The following PRELID2 variants were observed in gnomAD, a reference collection of about 807,000 sequenced individuals.
PRELID2 encodes PRELI domain-containing protein 2.
In PRELID2, 25 loss-of-function variants were observed where a neutral mutation model predicts 28.4. The ratio of observed to expected loss-of-function variants is 0.88; its 90% CI spans 0.64 to 1.23. The LOEUF is 1.23. Ranked by LOEUF, PRELID2 falls within the 50% of genes most tolerant of loss-of-function variation. The pLI is 0.00. For synonymous variants in PRELID2, 76 were observed against 71.6 expected (o/e 1.06, Z -0.31); for missense variants, 201 against 214.4 (o/e 0.94, Z 0.39).
At chr5:145,423,999 G>C in the PRELID2 span, among the ~76,000 whole-genome samples, 1 of 151,714 alleles carries the variant, frequency 6.6e-6, no homozygotes, top group Non-Finnish European at 1.5e-5. Context: ...CCTGCCGTGT[G>C]AGGTGTCAGT....
the PRELID2 span, among the ~76,000 whole-genome samples, chr5:145,301,246 T>C: frequency 2.6e-5 from 4 of 152,170 alleles, no homozygotes; most frequent in Admixed American, 2.6e-4. Flanking sequence ...AACCTAATGA[T>C]GTTGAGCACA....
chr5:145,809,374 C>A (rs578110675), intron 4 of PRELID2, among the ~76,000 whole-genome samples: 1 of 151,872 alleles, frequency 6.6e-6, no homozygotes, highest in African/African-American at 2.4e-5. Flanking sequence ...TGCCATGGCC[C>A]AGCTATGCCC....
intron 1 of PRELID2, among the ~76,000 whole-genome samples, chr5:145,566,115 C>T (rs1012130802): frequency 2.6e-5 from 4 of 152,186 alleles, no homozygotes; most frequent in East Asian, 1.9e-4. Flanking sequence ...TGCTATACCA[C>T]GCAGGTTACT....
intron 1 of PRELID2, among the ~76,000 whole-genome samples, chr5:145,724,648 A>T (rs1205230191): frequency 2.3e-4 from 14 of 60,534 alleles, no homozygotes; most frequent in African/African-American, 5.5e-4. Context: ...TATATATATA[A>T]TGCCTGTAAC....
chr5:145,407,804 G>A, the PRELID2 span, among the ~76,000 whole-genome samples: 1 of 152,114 alleles, frequency 6.6e-6, no homozygotes, highest in Non-Finnish European at 1.5e-5. Flanking sequence ...TCCTGAGTCT[G>A]TCAACATGAC....
intron 1 of PRELID2, among the ~76,000 whole-genome samples, chr5:145,551,350 G>A (rs951463223): frequency 2.0e-5 from 3 of 151,810 alleles, no homozygotes; most frequent in Non-Finnish European, 4.4e-5. Flanking sequence ...GCAGTGAGCC[G>A]AGATTGTGCC....
the PRELID2 span, among the ~76,000 whole-genome samples, chr5:145,397,712 G>A: frequency 1.3e-5 from 2 of 152,134 alleles, no homozygotes; most frequent in East Asian, 1.9e-4. Flanking sequence ...AAAGCCTTTA[G>A]GAAATCATGA....
chr5:145,270,345 A>G, the PRELID2 span, among the ~76,000 whole-genome samples: 15 of 152,156 alleles, frequency 9.9e-5, no homozygotes, highest in Non-Finnish European at 2.1e-4. Flanking sequence ...TCAATGAAAG[A>G]ATGGATATGT....
At chr5:145,501,655 C>T (rs1211202598) in intron 1 of PRELID2, among the ~76,000 whole-genome samples, 4 of 152,132 alleles carry the variant, frequency 2.6e-5, no homozygotes, top group Admixed American at 2.6e-4. Context: ...TCCTCCCCAG[C>T]CATGTGGAAC....
chr5:145,439,712 T>G, the PRELID2 span, among the ~76,000 whole-genome samples: 1 of 152,040 alleles, frequency 6.6e-6, no homozygotes, highest in Non-Finnish European at 1.5e-5. Flanking sequence ...CTCCAACACA[T>G]TTTCAAACTC....
chr5:145,765,741 T>C (rs1164219564), intron 5 of PRELID2, among the ~76,000 whole-genome samples: 2 of 152,136 alleles, frequency 1.3e-5, no homozygotes, highest in Admixed American at 6.5e-5. Context: ...CGCACTACAA[T>C]ACCGCCTGCA....
At chr5:145,647,578 T>A (rs531326090) in intron 1 of PRELID2, among the ~76,000 whole-genome samples, 1 of 151,914 alleles carries the variant, frequency 6.6e-6, no homozygotes, top group East Asian at 1.9e-4. Context: ...ATGGAAAAAA[T>A]AAATAAATAA....
At chr5:145,768,434 T>C (rs1248138126) in intron 5 of PRELID2, among the ~76,000 whole-genome samples, 1 of 152,182 alleles carries the variant, frequency 6.6e-6, no homozygotes, top group African/African-American at 2.4e-5. Context: ...ATGAACAAGA[T>C]AGTTCCTGCC....
chr5:145,573,860 T>A (rs1753036775), intron 1 of PRELID2, among the ~76,000 whole-genome samples: 1 of 152,138 alleles, frequency 6.6e-6, no homozygotes, highest in Non-Finnish European at 1.5e-5. Flanking sequence ...CCACACCAAA[T>A]TTTTGCCTCC....
chr5:145,769,298 G>T (rs1013588624), intron 5 of PRELID2, among the ~76,000 whole-genome samples: 1 of 151,926 alleles, frequency 6.6e-6, no homozygotes, highest in Non-Finnish European at 1.5e-5. Context: ...GAGCTATCTC[G>T]CAGGTTCATT....
At chr5:145,450,218 T>C in the PRELID2 span, among the ~76,000 whole-genome samples, 1 of 152,130 alleles carries the variant, frequency 6.6e-6, no homozygotes, top group Admixed American at 6.5e-5. Flanking sequence ...AGTCCCTCAT[T>C]GCAAAACACA....
intron 1 of PRELID2, among the ~76,000 whole-genome samples, chr5:145,563,561 C>T (rs1170488530): frequency 6.6e-6 from 1 of 152,158 alleles, no homozygotes; most frequent in East Asian, 1.9e-4. Context: ...CTTATGGTTG[C>T]ACAGTAACCA....
chr5:145,690,133 G>C (rs1412724867), intron 1 of PRELID2, among the ~76,000 whole-genome samples: 1 of 151,792 alleles, frequency 6.6e-6, no homozygotes, highest in Non-Finnish European at 1.5e-5. Context: ...GAGATTACAG[G>C]TGCACACCAA....
At chr5:145,522,602 T>G (rs1265777039) in intron 1 of PRELID2, among the ~76,000 whole-genome samples, 1 of 152,190 alleles carries the variant, frequency 6.6e-6, no homozygotes, top group Non-Finnish European at 1.5e-5. Context: ...CCCCCAAAAT[T>G]ATCACTCAGA....
Sources: gnomAD v4.1 joint callset for allele counts (sites outside exome capture counted in the v4.1 genomes callset) on GRCh38, gnomAD v4.1.1 for gene constraint, MANE v1.5 for transcripts, NCBI Gene and HGNC (gene_info 2026-07-23, HGNC 2026-07-21) for gene names.